SLC5A5: variants seen among roughly 807,000 people sequenced by gnomAD.
SLC5A5 encodes the protein sodium/iodide cotransporter.
In SLC5A5, 56 loss-of-function variants were observed where a neutral mutation model predicts 68.6. The ratio of observed to expected loss-of-function variants is 0.82; its 90% CI spans 0.66 to 1.02. The LOEUF (loss-of-function observed/expected upper bound fraction) is 1.02. SLC5A5 is among the 50% of genes least tolerant of loss of function. The pLI is 0.00. For synonymous variants in SLC5A5, 398 were observed against 373.0 expected (o/e 1.07, Z -0.77); for missense variants, 807 against 859.8 (o/e 0.94, Z 0.77).
At chr19:17,888,550 T>C (rs990911409) in intron 13 of SLC5A5, 95 bp downstream of exon 13, 11 of 1,193,268 alleles carry the variant, frequency 9.2e-6, no homozygotes, top group Admixed American at 6.8e-5. Flanking sequence ...GACGCTCCCA[T>C]TGGCCAAACT....
intron 4 of SLC5A5, 149 bp from the exon 5 acceptor site, chr19:17,875,803 C>A: frequency 1.3e-6 from 1 of 746,410 alleles, no homozygotes; most frequent in Non-Finnish European, 2.3e-6. Context: ...TAACTTAATT[C>A]TTACAACAAC....
At chr19:17,883,373 C>G (rs1056309852) in intron 10 of SLC5A5, among the ~76,000 whole-genome samples, 20 of 151,430 alleles carry the variant, frequency 1.3e-4, no homozygotes, top group African/African-American at 4.6e-4. Flanking sequence ...AAGATCGCGC[C>G]ACTGCACTCC....
intron 12 of SLC5A5, among the ~76,000 whole-genome samples, chr19:17,887,970 G>A (rs944355215): frequency 3.9e-5 from 6 of 152,022 alleles, no homozygotes; most frequent in Non-Finnish European, 7.3e-5. Flanking sequence ...TGCTTTTGGC[G>A]TCATATCTAA....
At chr19:17,876,345 T>C (rs955191015) in intron 5 of SLC5A5, among the ~76,000 whole-genome samples, 5 of 150,834 alleles carry the variant, frequency 3.3e-5, no homozygotes, top group African/African-American at 1.2e-4. Flanking sequence ...GAGGATTGCT[T>C]GAGCCCGGTA....
chr19:17,878,014 C>T lies in SLC5A5; in HGVS notation c.890C>T (p.Ala297Val). The part of the protein sequence containing the change: ...VGLFLIVSSA[A>V]CCGIVMFVFY... ...CTGTTCCTGATCGTGTCCAGCGCTGCCTGCTGTGGCATCGTCATGTTTGTG... is the reference window on the plus strand; with the variant it reads ...CTGTTCCTGATCGTGTCCAGCGCTGTCTGCTGTGGCATCGTCATGTTTGTG... Residue 297 changes from alanine to valine, a missense_variant, in exon 7 of 15, where the codon GCC (alanine) becomes GTC (valine). Physicochemically the swap from Ala to Val is moderately conservative, Grantham distance 64 (BLOSUM62 0). Transcript: ENST00000222248. 6.2e-7 allele frequency: 1 copy of T among 1,613,378 alleles called. No homozygotes were observed. The highest frequency in any genetic ancestry group is 8.5e-7 in the Non-Finnish European group (1 of 1,180,002).
chr19:17,889,294 G>A (rs1277420613), intron 13 of SLC5A5, among the ~76,000 whole-genome samples: 40 of 151,878 alleles, frequency 2.6e-4, no homozygotes, highest in Admixed American at 2.6e-3. Context: ...AGCTACTTGG[G>A]AGGCTGAGGT....
At chr19:17,888,103 AT>A (rs1442002582) in intron 12 of SLC5A5, among the ~76,000 whole-genome samples, 2 of 152,056 alleles carry the variant, frequency 1.3e-5, no homozygotes, top group Non-Finnish European at 2.9e-5. Context: ...TCTGAGTTAC[AT>A]TTTAGTAATG....
rs371875541 is a variant in SLC5A5, at chr19:17,872,505, G to T, written c.186G>T (p.Ser62=). Residue 62 remains serine, a synonymous_variant, in exon 1 of 15, where the codon TCG becomes TCT. Transcript: ENST00000222248. The part of the protein sequence containing the change: ...RRLAALPVGL[S]LSASFMSAVQ... ...TGGCGGCCCTGCCCGTGGGCCTGTCGCTGTCTGCCAGCTTCATGTCGGCCG... is the reference window on the plus strand; with the variant it reads ...TGGCGGCCCTGCCCGTGGGCCTGTCTCTGTCTGCCAGCTTCATGTCGGCCG... 8.7e-6 allele frequency: 14 copies of T among 1,612,514 alleles called. No individual in the cohort carries two copies. Among genetic ancestry groups the T allele is most frequent in the African/African-American group, 5.3e-5 (4 of 75,052 alleles).
intron 10 of SLC5A5, among the ~76,000 whole-genome samples, chr19:17,882,885 G>A (rs1171665789): frequency 5.4e-5 from 8 of 146,950 alleles, no homozygotes; most frequent in Admixed American, 1.3e-4. Flanking sequence ...GGGTTTCACC[G>A]TGTTAGCCAG....
rs1568428003 is a variant in SLC5A5, at chr19:17,893,883, G to A, written c.*6G>A. ...AGCAGGAGACAAACCTCTGAGGACA[G>A]GGCCAGCCGCGGGACTGACACCCTG... On this transcript the variant is annotated 3_prime_UTR_variant, in exon 15 of 15. Transcript: ENST00000222248. The A allele has an allele frequency of 2.6e-6, 4 of 1,557,090 alleles. No homozygotes were observed. Among genetic ancestry groups the A allele is most frequent in the Non-Finnish European group, 3.5e-6 (4 of 1,149,218 alleles).
At chr19:17,883,602 C>G in intron 10 of SLC5A5, 79 bp from the exon 11 acceptor site, 1 of 1,193,900 alleles carries the variant, frequency 8.4e-7, no homozygotes, top group South Asian at 1.2e-5. Context: ...CCTGAGGTCT[C>G]GCTTTCCCAG....
chr19:17,888,439 C>T lies in SLC5A5; in HGVS notation c.1635C>T (p.Leu545=), dbSNP rs769611572. The T allele has an allele frequency of 1.1e-4, 173 of 1,613,684 alleles. No individual in the cohort carries two copies. The highest frequency in any genetic ancestry group is 1.3e-4 in the Non-Finnish European group (159 of 1,179,998). ...TGACCACTGTGCTGTGCGGAGCCCT[C>T]ATCAGCTGCCTGACAGGTAGGTAAA... ...GTLTTVLCGA[L]ISCLTGPTKR... The change falls in exon 13 of 15, where the codon CTC becomes CTT. Residue 545 remains leucine (L), a synonymous_variant. Transcript: ENST00000222248.
In SLC5A5 at chr19:17,888,465, C is replaced by T. The variant is rs750810979; in HGVS notation, c.1651+10C>T. On this transcript the variant is annotated intron_variant, in intron 13 of 14. Transcript: ENST00000222248. ...ATCAGCTGCCTGACAGGTAGGTAAA[C>T]AGAGCATGTGGCCTCAGAGGTCATC... 2 of 1,613,522 alleles carry T rather than the reference C, an allele frequency of 1.2e-6. No homozygotes were observed. The highest frequency in any genetic ancestry group is 1.1e-5 in the South Asian group (1 of 91,076).
Position 17,871,994 on chromosome 19 carries a change from G to A in SLC5A5, c.-326G>A, listed in dbSNP as rs2094295208. The A allele has an allele frequency of 8.1e-6, 3 of 372,416 alleles. No individual in the cohort carries two copies. The South Asian group carries it at 9.0e-5, about 11-fold the overall frequency. The allele number at this position is 372,416 out of a possible 1,614,324, so 23.1% of individuals were successfully genotyped here. ...TCCAGCTGTCAGCGCTGAGCACAGC[G>A]CCCAGGGAGAGGGACAGACAGCCGG... On this transcript the variant is annotated 5_prime_UTR_variant, in exon 1 of 15. Coordinates refer to ENST00000222248, the MANE Select transcript of SLC5A5 (RefSeq NM_000453.3).
chr19:17,885,012 T>TC (rs1423399275), intron 12 of SLC5A5, among the ~76,000 whole-genome samples: 1 of 147,224 alleles, frequency 6.8e-6, no homozygotes, highest in Non-Finnish European at 1.5e-5. Context: ...ATTTTCTATT[T>TC]TTTTTTTTTT....
Position 17,872,202 on chromosome 19 carries a change from A to C in SLC5A5, c.-118A>C. ...TTCCCACCCCAGACGGAGCGGGGAC[A>C]GGCTGCCGAGCATCCTCCCACCCGC... On this transcript the variant is annotated 5_prime_UTR_variant, in exon 1 of 15. Transcript: ENST00000222248. 2.8e-6 allele frequency: 2 copies of C among 712,246 alleles called. No individual in the cohort carries two copies. The highest frequency in any genetic ancestry group is 4.6e-6 in the Non-Finnish European group (2 of 430,310). 44.1% of individuals were successfully genotyped at this position (712,246 alleles called of 1,614,324 possible).
At chr19:17,874,825 GCCTCTGTCCCAGCT>G in intron 4 of SLC5A5, 94 bp downstream of exon 4, 1 of 1,231,898 alleles carries the variant, frequency 8.1e-7, no homozygotes, top group Non-Finnish European at 1.2e-6. Context: ...TCCTGAGGAA[GCCTCTGTCCCAGCT>G]GGGACCCAGT....
At chr19:17,892,648 A>AAGAGAGAG (rs1568427310) in intron 14 of SLC5A5, among the ~76,000 whole-genome samples, 16 of 58,634 alleles carry the variant, frequency 2.7e-4, no homozygotes, top group Non-Finnish European at 4.0e-4. Flanking sequence ...AAAGAAAGAA[A>AAGAGAGAG]AGACAGAGAG....
intron 8 of SLC5A5, among the ~76,000 whole-genome samples, chr19:17,881,408 A>G (rs1394109625): frequency 1.3e-5 from 2 of 152,116 alleles, no homozygotes; most frequent in Non-Finnish European, 2.9e-5. Context: ...CTGGGATTAC[A>G]GGTCCACGCC....
Sources: gnomAD v4.1 joint callset for allele counts (sites outside exome capture counted in the v4.1 genomes callset) on GRCh38, gnomAD v4.1.1 for gene constraint, MANE v1.5 for transcripts, NCBI Gene and HGNC (gene_info 2026-07-23, HGNC 2026-07-21) for gene names.